The following BMP3 variants were observed in gnomAD, a reference collection of about 807,000 sequenced individuals.
BMP3 encodes bone morphogenetic protein 3 (osteogenic).
Under a neutral mutation model 38.1 loss-of-function variants are expected in BMP3, and 23 were observed. The ratio of observed to expected loss-of-function variants is 0.60; its 90% CI spans 0.43 to 0.86. The LOEUF is 0.86. BMP3 is among the 40% of genes least tolerant of loss of function. The pLI, the probability that BMP3 is intolerant of heterozygous loss-of-function variation, is 0.00. For missense variants in BMP3, 628 were observed against 579.6 expected (o/e 1.08, Z -0.86); for synonymous variants, 258 against 225.7 (o/e 1.14, Z -1.28).
intron 1 of BMP3, among the ~76,000 whole-genome samples, chr4:81,031,822 A>C (rs989303274): frequency 2.0e-5 from 3 of 152,132 alleles, no homozygotes; most frequent in Non-Finnish European, 4.4e-5. Context: ...AGAGGGGGAA[A>C]TAGAATGAAG....
rs1037897645 is a variant in BMP3 at position 81,055,440 on chromosome 4, G to A, written c.*1904G>A. 8 of 152,132 alleles carry A rather than the reference G, an allele frequency of 5.3e-5. No homozygotes were observed. Among genetic ancestry groups the A allele is most frequent in the African/African-American group, 1.9e-4 (8 of 41,440 alleles). 9.4% of individuals were successfully genotyped at this position (152,132 alleles called of 1,614,324 possible). ...GCCTGAGTTACCATGCTTTCTTCTAGTTCTTACAGTAGCATAAAATTAAAG... is the reference window on the plus strand; with the variant it reads ...GCCTGAGTTACCATGCTTTCTTCTAATTCTTACAGTAGCATAAAATTAAAG... On this transcript the variant is annotated 3_prime_UTR_variant, in exon 3 of 3. Transcript: ENST00000282701.
At chr4:81,038,226 A>T (rs926986706) in intron 1 of BMP3, among the ~76,000 whole-genome samples, 1 of 152,160 alleles carries the variant, frequency 6.6e-6, no homozygotes, top group South Asian at 2.1e-4. Flanking sequence ...TGGTTTTGCC[A>T]TAAAGAAGTC....
chr4:81,055,006 T>G lies in BMP3; in HGVS notation c.*1470T>G, dbSNP rs1249621290. ...AGCTAATTATGGTGGTTCAGTCATT[T>G]AATAAATATGTTTTGAGCATCTATT... On this transcript the variant is annotated 3_prime_UTR_variant, in exon 3 of 3. Coordinates refer to ENST00000282701, the MANE Select transcript of BMP3 (RefSeq NM_001201.5). The G allele has an allele frequency of 1.3e-5, 2 of 152,174 alleles. No homozygotes were observed. Among genetic ancestry groups the G allele is most frequent in the Admixed American group, 1.3e-4 (2 of 15,266 alleles). 9.4% of individuals were successfully genotyped at this position (152,174 alleles called of 1,614,324 possible).
intron 2 of BMP3, among the ~76,000 whole-genome samples, chr4:81,050,863 A>G (rs1202758282): frequency 6.6e-6 from 1 of 152,182 alleles, no homozygotes; most frequent in African/African-American, 2.4e-5. Flanking sequence ...TAACTTGTTT[A>G]ATAAAGAGTC....
At chr4:81,043,737 G>A (rs1740157066) in intron 1 of BMP3, among the ~76,000 whole-genome samples, 1 of 151,930 alleles carries the variant, frequency 6.6e-6, no homozygotes, top group Non-Finnish European at 1.5e-5. Context: ...ACAGGTGTGT[G>A]CCACTACCGC....
intron 1 of BMP3, among the ~76,000 whole-genome samples, chr4:81,038,974 GT>G (rs141097148): frequency 0.03 from 4,601 of 152,274 alleles, 232 homozygotes; most frequent in African/African-American, 0.1. Flanking sequence ...ATCTTTGGCT[GT>G]TTTTACTTTG....
At chr4:81,032,011 T>G (rs1739786851) in intron 1 of BMP3, among the ~76,000 whole-genome samples, 1 of 152,002 alleles carries the variant, frequency 6.6e-6, no homozygotes, top group South Asian at 2.1e-4. Context: ...CCATGTTTAC[T>G]AAGAGGCAGA....
intron 1 of BMP3, among the ~76,000 whole-genome samples, chr4:81,037,802 A>AG (rs1004547869): frequency 2.0e-5 from 3 of 152,068 alleles, no homozygotes; most frequent in African/African-American, 7.2e-5. Context: ...ATGGTGGCTG[A>AG]GGGGTGTAGG....
chr4:81,046,607 G>A lies in BMP3; in HGVS notation c.1186G>A (p.Ala396Thr), dbSNP rs372640061. 27 of 1,613,806 alleles carry A rather than the reference G, an allele frequency of 1.7e-5. No homozygotes were observed. In the African/African-American group the frequency reaches 2.1e-4, roughly 13 times the overall value. Residue 396 changes from alanine to threonine, a missense_variant, in exon 2 of 3, where the codon GCC becomes ACC. Physicochemically the swap from Ala to Thr is moderately conservative, Grantham distance 58. Coordinates refer to ENST00000282701, the MANE Select transcript of BMP3 (RefSeq NM_001201.5). Reference sequence around the variant, plus strand: ...GATTATCTCCCCCAAGTCCTTTGATGCCTATTATTGCTCTGGAGCATGCCA... The same window carrying A: ...GATTATCTCCCCCAAGTCCTTTGATACCTATTATTGCTCTGGAGCATGCCA... ...EWIISPKSFD[A>T]YYCSGACQFP...
chr4:81,032,494 G>C (rs1739808165), intron 1 of BMP3, among the ~76,000 whole-genome samples: 1 of 152,214 alleles, frequency 6.6e-6, no homozygotes, highest in African/African-American at 2.4e-5. Flanking sequence ...TTGAGGGAAA[G>C]CTTCCTGGAC....
chr4:81,051,814 C>G (rs1258063164), intron 2 of BMP3, among the ~76,000 whole-genome samples: 3 of 152,048 alleles, frequency 2.0e-5, no homozygotes, highest in Non-Finnish European at 4.4e-5. Context: ...GTTAACCAGT[C>G]TTTTTAACAT....
chr4:81,055,252 C>T lies in BMP3; in HGVS notation c.*1716C>T, dbSNP rs1016502111. 1 of 152,154 alleles carries T rather than the reference C, an allele frequency of 6.6e-6. No homozygotes were observed. Among genetic ancestry groups the T allele is most frequent in the Non-Finnish European group, 1.5e-5 (1 of 68,034 alleles). The allele number at this position is 152,154 out of a possible 1,614,324, so 9.4% of individuals were successfully genotyped here. On this transcript the variant is annotated 3_prime_UTR_variant, in exon 3 of 3. Coordinates refer to ENST00000282701, the MANE Select transcript of BMP3 (RefSeq NM_001201.5). ...CTTCGCTGTTTGTAAATTAGTATGG[C>T]ATTCGCTTTGGTTTAAGTGGTATTT...
intron 2 of BMP3, among the ~76,000 whole-genome samples, chr4:81,050,247 G>A (rs966027060): frequency 5.3e-5 from 8 of 152,150 alleles, no homozygotes; most frequent in African/African-American, 1.9e-4. Flanking sequence ...CATCATACAC[G>A]GCTTGGCAGG....
At chr4:81,031,743 C>G (rs1310148050) in intron 1 of BMP3, 143 bp downstream of exon 1, 1 of 1,050,622 alleles carries the variant, frequency 9.5e-7, no homozygotes, top group African/African-American at 1.6e-5. Flanking sequence ...CTCTGGATTC[C>G]TCCGTCCAGT....
Position 81,056,898 on chromosome 4 carries a change from G to T in BMP3, c.*3362G>T, listed in dbSNP as rs1182588254. On this transcript the variant is annotated 3_prime_UTR_variant, in exon 3 of 3. Transcript: ENST00000282701. ...ATAATTCATTCAGTTTAGTTTTTCA[G>T]TTTAGTCTTTCTGCTTTCACTTTTC... 6.6e-6 allele frequency: 1 copy of T among 152,490 alleles called. No individual in the cohort carries two copies. The highest frequency in any genetic ancestry group is 1.9e-4 in the East Asian group (1 of 5,198). The allele number at this position is 152,490 out of a possible 1,614,324, so 9.4% of individuals were successfully genotyped here.
At chr4:81,045,666 T>G in intron 1 of BMP3, 72 bp from the exon 2 acceptor site, 5 of 1,275,360 alleles carry the variant, frequency 3.9e-6, no homozygotes, top group Non-Finnish European at 4.3e-6. Context: ...TGATTCATTT[T>G]GAGTTAATTG....
intron 1 of BMP3, among the ~76,000 whole-genome samples, chr4:81,038,817 G>T (rs370796810): frequency 5.1e-4 from 78 of 152,312 alleles, no homozygotes; most frequent in African/African-American, 1.8e-3. Flanking sequence ...GCTCCAGGCT[G>T]TGTGAAGTAC....
At position 81,041,940 on chromosome 4, in the gene BMP3, A is replaced by T. The variant is rs553586809; in HGVS notation, c.317-3798A>T. ...CGGCAGCTTGTATTATCATCATGGC[A>T]TAGTCTTTTTTTTTTCCTTTCCATT... On this transcript the variant is annotated intron_variant, in intron 1 of 2. Coordinates refer to ENST00000282701, the MANE Select transcript of BMP3 (RefSeq NM_001201.5). Among the ~76,000 whole-genome samples, 154 of 149,838 alleles carry T rather than the reference A, an allele frequency of 1.0e-3. 1 individual carries two copies. The highest frequency in any genetic ancestry group is 3.6e-3 in the African/African-American group (146 of 40,414).
At chr4:81,045,508 AC>A (rs1740205202) in intron 1 of BMP3, among the ~76,000 whole-genome samples, 1 of 152,156 alleles carries the variant, frequency 6.6e-6, no homozygotes, top group Non-Finnish European at 1.5e-5. Flanking sequence ...TGATGTATCT[AC>A]TTTTTCTTTT....
Sources: gnomAD v4.1 joint callset for allele counts (sites outside exome capture counted in the v4.1 genomes callset) on GRCh38, gnomAD v4.1.1 for gene constraint, MANE v1.5 for transcripts, NCBI Gene and HGNC (gene_info 2026-07-23, HGNC 2026-07-21) for gene names.